The following ZNF69 variants were observed in gnomAD, a reference collection of about 807,000 sequenced individuals.
ZNF69 encodes the protein zinc finger protein 69, also known as ZNF3.
A neutral mutation model predicts 50.9 loss-of-function variants in ZNF69; 47 were observed. That is an observed-to-expected ratio of 0.92 (90% confidence interval 0.73 to 1.18). The LOEUF is 1.18. ZNF69 is among the 50% of genes most tolerant of loss of function. The pLI, the probability that ZNF69 is intolerant of heterozygous loss-of-function variation, is 0.00. For synonymous variants in ZNF69, 216 were observed against 223.1 expected (o/e 0.97, Z 0.29); for missense variants, 717 against 675.1 (o/e 1.06, Z -0.69).
At chr19:11,895,607 G>T (rs1452470771) in intron 1 of ZNF69, among the ~76,000 whole-genome samples, 2 of 152,190 alleles carry the variant, frequency 1.3e-5, no homozygotes, top group Admixed American at 6.5e-5. Context: ...AGTCGTGTAA[G>T]AAATATATGT....
chr19:11,964,134 A>T, the ZNF69 span, among the ~76,000 whole-genome samples: 1 of 152,132 alleles, frequency 6.6e-6, no homozygotes, highest in Non-Finnish European at 1.5e-5. Context: ...AGAAAGAGAG[A>T]TTCCCTGGGG....
the ZNF69 span, among the ~76,000 whole-genome samples, chr19:11,941,708 G>A: frequency 1.1e-4 from 17 of 152,200 alleles, no homozygotes; most frequent in African/African-American, 2.7e-4. Flanking sequence ...TGAGGGAGCC[G>A]GCTCCCGCCT....
chr19:11,939,637 T>A, the ZNF69 span, among the ~76,000 whole-genome samples: 1 of 152,176 alleles, frequency 6.6e-6, no homozygotes, highest in African/African-American at 2.4e-5. Flanking sequence ...ATTTTTGTAT[T>A]TTTAGTAGAG....
At chr19:11,952,710 A>C in the ZNF69 span, among the ~76,000 whole-genome samples, 1 of 152,170 alleles carries the variant, frequency 6.6e-6, no homozygotes, top group East Asian at 1.9e-4. Context: ...CTCATCAGTG[A>C]AGGGTGGAGT....
the ZNF69 span, among the ~76,000 whole-genome samples, chr19:11,934,531 G>A: frequency 2.0e-5 from 3 of 147,422 alleles, no homozygotes; most frequent in African/African-American, 8.0e-5. Flanking sequence ...TTGTTTGTTT[G>A]TTTGTTTGTT....
At chr19:11,932,501 A>G in the ZNF69 span, among the ~76,000 whole-genome samples, 2 of 148,514 alleles carry the variant, frequency 1.3e-5, no homozygotes, top group Non-Finnish European at 2.9e-5. Context: ...GAGTTGCACA[A>G]TGAATCCAAA....
chr19:11,948,149 C>G, the ZNF69 span: 171 of 1,128,276 alleles, frequency 1.5e-4, no homozygotes, highest in Non-Finnish European at 2.1e-4. Flanking sequence ...CACCTTCAAA[C>G]GATTCAGACA....
At chr19:11,958,660 A>G in the ZNF69 span, among the ~76,000 whole-genome samples, 2 of 152,186 alleles carry the variant, frequency 1.3e-5, no homozygotes, top group Non-Finnish European at 2.9e-5. Flanking sequence ...TTTCCCTCAC[A>G]CACTGCCTAG....
At chr19:11,897,075 A>G (rs891047518) in intron 1 of ZNF69, among the ~76,000 whole-genome samples, 9 of 152,280 alleles carry the variant, frequency 5.9e-5, no homozygotes, top group Non-Finnish European at 8.8e-5. Flanking sequence ...GTGGCTGGGC[A>G]TGGTGGCTCA....
the ZNF69 span, among the ~76,000 whole-genome samples, chr19:11,967,708 C>T: frequency 6.6e-6 from 1 of 152,068 alleles, no homozygotes; most frequent in Non-Finnish European, 1.5e-5. Flanking sequence ...CGGCCCCTGT[C>T]TCTATTTTTA....
chr19:11,910,891 C>T (rs963163753), downstream of ZNF69, among the ~76,000 whole-genome samples: 2 of 152,152 alleles, frequency 1.3e-5, no homozygotes, highest in Non-Finnish European at 2.9e-5. Flanking sequence ...AGGCAACCTA[C>T]AGAATGGGAG....
At chr19:11,947,345 A>G in the ZNF69 span, 1 of 1,611,930 alleles carries the variant, frequency 6.2e-7, no homozygotes, top group Non-Finnish European at 8.5e-7. Flanking sequence ...GTGCATTAGC[A>G]AACCAGTGTT....
chr19:11,898,298 T>A (rs536392116), intron 1 of ZNF69, among the ~76,000 whole-genome samples: 1 of 152,234 alleles, frequency 6.6e-6, no homozygotes, highest in East Asian at 1.9e-4. Flanking sequence ...GTTTTATTAT[T>A]TAGAACAGTG....
At chr19:11,947,675 A>G in the ZNF69 span, 1 of 1,143,500 alleles carries the variant, frequency 8.7e-7, no homozygotes, top group Non-Finnish European at 1.3e-6. Flanking sequence ...TCCAGCATCA[A>G]ATTCATTTCT....
the ZNF69 span, among the ~76,000 whole-genome samples, chr19:11,972,062 C>CA: frequency 0.031 from 3,420 of 111,846 alleles, 53 homozygotes; most frequent in South Asian, 0.047. Context: ...AACTTTGTCT[C>CA]AAAAAAAAAA....
the ZNF69 span, among the ~76,000 whole-genome samples, chr19:11,965,730 T>C: frequency 1.3e-5 from 2 of 152,206 alleles, no homozygotes; most frequent in Non-Finnish European, 2.9e-5. Context: ...AAATAAAGTT[T>C]ATTCGTAGCC....
downstream of ZNF69, among the ~76,000 whole-genome samples, chr19:11,916,245 TTAAA>T (rs1330964167): frequency 2.0e-5 from 3 of 152,262 alleles, no homozygotes; most frequent in Admixed American, 2.0e-4. Flanking sequence ...AATAGAAATA[TTAAA>T]TAAATATCTT....
the ZNF69 span, chr19:11,925,160 A>C: frequency 1.6e-5 from 26 of 1,604,168 alleles, no homozygotes; most frequent in Admixed American, 3.5e-4. Context: ...GACCAGCCCG[A>C]GAGGGACCTG....
chr19:11,922,789 C>CG, the ZNF69 span, among the ~76,000 whole-genome samples: 3 of 151,872 alleles, frequency 2.0e-5, no homozygotes, highest in African/African-American at 7.2e-5. Flanking sequence ...AGGGTTTCCC[C>CG]GGGGAGTCTG....
Sources: allele counts gnomAD v4.1 joint callset (sites outside exome capture counted in the v4.1 genomes callset), GRCh38; gene constraint gnomAD v4.1.1; transcripts MANE v1.5; gene names NCBI Gene and HGNC (gene_info 2026-07-23, HGNC 2026-07-21).